Variants in DSN1 observed in about 807,000 individuals in gnomAD.
The protein encoded by DSN1 is DSN1 component of MIS12 kinetochore complex, also known as kinetochore-associated protein DSN1 homolog.
A neutral mutation model predicts 45.7 loss-of-function variants in DSN1; 31 were observed. The ratio of observed to expected loss-of-function variants is 0.68; its 90% CI spans 0.51 to 0.92. The LOEUF is 0.92. Ranked by LOEUF, DSN1 falls within the 40% of genes least tolerant of loss-of-function variation. The pLI, the probability that DSN1 is intolerant of heterozygous loss-of-function variation, is 0.00. For synonymous variants in DSN1, 134 were observed against 142.3 expected, an observed-to-expected ratio of 0.94 and a Z score of 0.41; for missense variants, 394 against 414.2, an observed-to-expected ratio of 0.95 and a Z score of 0.42.
chr20:36,773,039 A>G (rs909550370), intron 1 of DSN1, among the ~76,000 whole-genome samples: 1 of 152,248 alleles, frequency 6.6e-6, no homozygotes, highest in African/African-American at 2.4e-5. Context: ...ACAAAAAGGA[A>G]AAGATAACAA....
chr20:36,759,013 C>G (rs560643580), intron 6 of DSN1, among the ~76,000 whole-genome samples: 2 of 151,708 alleles, frequency 1.3e-5, no homozygotes, highest in Non-Finnish European at 2.9e-5. Context: ...GACGGAGTCT[C>G]GCTTTGTCAC....
rs768024136 is a variant in DSN1 at position 36,754,753 on chromosome 20, A to G, written c.961+10T>C. ...GCCTGAACTCTGGTCCCCTCAAGAGACAAGCTTACCGAGCTGTACTGACAC... is the reference window on the plus strand; with the variant it reads ...GCCTGAACTCTGGTCCCCTCAAGAGGCAAGCTTACCGAGCTGTACTGACAC... On this transcript the variant is annotated intron_variant, in intron 10 of 10. Transcript: ENST00000373750. 6 of 1,612,788 alleles carry G rather than the reference A, an allele frequency of 3.7e-6. No individual in the cohort carries two copies. The South Asian group carries it at 6.6e-5, about 18-fold the overall frequency.
chr20:36,764,297 G>C (rs1228515967), intron 5 of DSN1, among the ~76,000 whole-genome samples: 5 of 152,042 alleles, frequency 3.3e-5, no homozygotes, highest in African/African-American at 9.7e-5. Flanking sequence ...ACTACATTCA[G>C]GTGAAGAACA....
At chr20:36,773,611 G>A in intron 1 of DSN1, 51 bp downstream of exon 1, 1 of 985,742 alleles carries the variant, frequency 1.0e-6, no homozygotes, top group Admixed American at 6.1e-5. Context: ...GGCCACATCA[G>A]AGGACAAGTC....
chr20:36,762,264 G>A (rs1987034625), intron 6 of DSN1, among the ~76,000 whole-genome samples, 197 bp downstream of exon 6: 1 of 151,262 alleles, frequency 6.6e-6, no homozygotes, highest in Non-Finnish European at 1.5e-5. Context: ...CTGCCACCAC[G>A]CCTGGCTAAT....
At chr20:36,771,320 A>G in intron 2 of DSN1, 105 bp downstream of exon 2, 1 of 1,481,134 alleles carries the variant, frequency 6.8e-7, no homozygotes, top group African/African-American at 1.4e-5. Flanking sequence ...CTCTGCAAAT[A>G]ATGAGTATGT....
At position 36,771,389 on chromosome 20, in the gene DSN1, A is replaced by C. The variant is rs113143235; in HGVS notation, c.34+36T>G. ...GGGTATAGCTCAGAAGCCTGAACCC[A>C]AGGTAAGAGGTACTGAATTTCACTA... On this transcript the variant is annotated intron_variant, in intron 2 of 10. Transcript: ENST00000373750. 9.1e-5 allele frequency: 146 copies of C among 1,606,196 alleles called. 1 individual carries two copies. In the African/African-American group the frequency reaches 1.9e-3, roughly 21 times the overall value.
Position 36,773,753 on chromosome 20 carries a change from A to C in DSN1, c.-107T>G. ...CAGCCGATACTCCCTGATCAGGGTG[A>C]AGCGGTCTCCACCTTCTACGTCACG... On this transcript the variant is annotated 5_prime_UTR_variant, in exon 1 of 11. Transcript: ENST00000373750. 1.0e-6 allele frequency: 1 copy of C among 985,510 alleles called. No individual in the cohort carries two copies. The highest frequency in any genetic ancestry group is 1.2e-6 in the Non-Finnish European group (1 of 829,978). 61.0% of individuals were successfully genotyped at this position (985,510 alleles called of 1,614,324 possible).
intron 6 of DSN1, among the ~76,000 whole-genome samples, chr20:36,760,822 A>C (rs1221399524): frequency 1.3e-5 from 2 of 152,116 alleles, no homozygotes; most frequent in Non-Finnish European, 2.9e-5. Flanking sequence ...CTTGGGAGGC[A>C]GAGGTTGCAG....
intron 10 of DSN1, among the ~76,000 whole-genome samples, chr20:36,753,709 T>A (rs1986508415): frequency 6.8e-6 from 1 of 147,378 alleles, no homozygotes; most frequent in South Asian, 2.2e-4. Flanking sequence ...TACAATGTGA[T>A]CAATAAGAAG....
intron 2 of DSN1, 76 bp from the exon 3 acceptor site, chr20:36,771,269 T>G: frequency 6.6e-7 from 1 of 1,507,894 alleles, no homozygotes; most frequent in Non-Finnish European, 9.0e-7. Flanking sequence ...GTGGAAAAAG[T>G]AAATGTATGC....
intron 6 of DSN1, among the ~76,000 whole-genome samples, chr20:36,759,813 G>A (rs1356580276): frequency 1.3e-5 from 2 of 152,058 alleles, no homozygotes; most frequent in Non-Finnish European, 2.9e-5. Context: ...TAAGCTGTAG[G>A]TAATAAATAG....
chr20:36,759,694 AG>A (rs1435986530), intron 6 of DSN1, among the ~76,000 whole-genome samples: 1 of 151,760 alleles, frequency 6.6e-6, no homozygotes, highest in East Asian at 2.0e-4. Context: ...TGTGTTAGCC[AG>A]GATGGTTTCG....
At chr20:36,761,677 A>G (rs1442800911) in intron 6 of DSN1, among the ~76,000 whole-genome samples, 1 of 151,966 alleles carries the variant, frequency 6.6e-6, no homozygotes, top group African/African-American at 2.4e-5. Flanking sequence ...CCTGGCCAAC[A>G]TGGTGAAACT....
intron 7 of DSN1, 74 bp from the exon 8 acceptor site, chr20:36,758,235 ATG>A: frequency 7.4e-7 from 1 of 1,349,496 alleles, no homozygotes; most frequent in African/African-American, 1.4e-5. Flanking sequence ...AACAATAAGT[ATG>A]TGAGGTGTAC....
intron 9 of DSN1, 85 bp downstream of exon 9, chr20:36,755,597 T>G: frequency 6.7e-7 from 1 of 1,495,092 alleles, no homozygotes; most frequent in South Asian, 1.3e-5. Flanking sequence ...CTTACACTTA[T>G]ACATTTCTCC....
Position 36,758,132 on chromosome 20 carries a change from T to C in DSN1, c.680A>G (p.Gln227Arg). 1 of 1,614,084 alleles carries C rather than the reference T, an allele frequency of 6.2e-7. No individual in the cohort carries two copies. Among genetic ancestry groups the C allele is most frequent in the Non-Finnish European group, 8.5e-7 (1 of 1,179,992 alleles). ...CTCCTGCTGGTAGTGAAGCAAGAGCTGATCCCAAGTCTGACGTTCTAAAGA... is the reference window on the plus strand; with the variant it reads ...CTCCTGCTGGTAGTGAAGCAAGAGCCGATCCCAAGTCTGACGTTCTAAAGA... ...KFSLERQTWDQLLLHYQQEAK... is the reference protein window; with the variant it reads ...KFSLERQTWDRLLLHYQQEAK... The change falls in exon 8 of 11, where the codon CAG (glutamine) becomes CGG (arginine). Residue 227 changes from glutamine to arginine, a missense_variant. By Grantham distance (43) the Gln-to-Arg change is conservative. Coordinates refer to ENST00000373750, the MANE Select transcript of DSN1 (RefSeq NM_001145315.2).
At chr20:36,756,409 T>C (rs896964093) in intron 8 of DSN1, among the ~76,000 whole-genome samples, 1 of 152,152 alleles carries the variant, frequency 6.6e-6, no homozygotes, top group African/African-American at 2.4e-5. Flanking sequence ...AGGACTATAC[T>C]TGGGAGAGAG....
intron 6 of DSN1, among the ~76,000 whole-genome samples, chr20:36,761,963 T>G (rs1036101994): frequency 6.6e-6 from 1 of 151,520 alleles, no homozygotes; most frequent in Non-Finnish European, 1.5e-5. Flanking sequence ...AAGCCAAGAT[T>G]GCACCATTGC....
Sources: gnomAD v4.1 joint callset for allele counts (sites outside exome capture counted in the v4.1 genomes callset) on GRCh38, gnomAD v4.1.1 for gene constraint, MANE v1.5 for transcripts, NCBI Gene and HGNC (gene_info 2026-07-23, HGNC 2026-07-21) for gene names.